Variants in SEMA3A observed in about 807,000 individuals in gnomAD.
The protein encoded by SEMA3A is semaphorin-3A.
Under a neutral mutation model 97.9 loss-of-function variants are expected in SEMA3A, and 29 were observed. The ratio of observed to expected loss-of-function variants is 0.30; its 90% CI spans 0.22 to 0.40. The LOEUF (loss-of-function observed/expected upper bound fraction) is 0.40, where lower values mean the gene tolerates loss of function less well. SEMA3A is among the 10% of genes least tolerant of loss of function. SEMA3A has a pLI of 1.00. For synonymous variants in SEMA3A, 321 were observed against 323.7 expected (o/e 0.99, Z 0.09); for missense variants, 763 against 951.3 (o/e 0.80, Z 2.60).
chr7:84,182,189 G>A (rs973077610), intron 1 of SEMA3A, among the ~76,000 whole-genome samples: 2 of 152,020 alleles, frequency 1.3e-5, no homozygotes, highest in Non-Finnish European at 2.9e-5. Context: ...GGTGGTTCAC[G>A]GAATTAGTCA....
At chr7:84,418,081 A>C (rs1804483167) in intron 1 of SEMA3A, among the ~76,000 whole-genome samples, 1 of 151,990 alleles carries the variant, frequency 6.6e-6, no homozygotes, top group Non-Finnish European at 1.5e-5. Flanking sequence ...TTTGTTTCTG[A>C]GTGTGTCTGT....
chr7:84,044,842 T>C (rs1792286206), intron 6 of SEMA3A, among the ~76,000 whole-genome samples: 1 of 151,844 alleles, frequency 6.6e-6, no homozygotes, highest in South Asian at 2.1e-4. Flanking sequence ...GAGATAAAGA[T>C]AGCAAAGGAA....
chr7:84,178,529 C>T (rs1203847810), intron 1 of SEMA3A, among the ~76,000 whole-genome samples: 1 of 152,038 alleles, frequency 6.6e-6, no homozygotes, highest in Admixed American at 6.6e-5. Context: ...TCCAAGGTCA[C>T]ACAGAAAATT....
intron 1 of SEMA3A, among the ~76,000 whole-genome samples, chr7:84,175,120 G>C (rs937526234): frequency 6.6e-6 from 1 of 152,122 alleles, no homozygotes; most frequent in Admixed American, 6.5e-5. Flanking sequence ...GGGGTTTGGT[G>C]TCCAACGGAC....
At chr7:84,143,945 T>TAACA (rs1460909365) in intron 1 of SEMA3A, among the ~76,000 whole-genome samples, 5 of 110,290 alleles carry the variant, frequency 4.5e-5, no homozygotes, top group South Asian at 2.9e-4. Flanking sequence ...TCTCTCTCTC[T>TAACA]CTCTAACACA....
chr7:84,143,943 T>TAACACACACACA (rs1460104047), intron 1 of SEMA3A, among the ~76,000 whole-genome samples: 1 of 126,832 alleles, frequency 7.9e-6, no homozygotes, highest in African/African-American at 2.8e-5. Flanking sequence ...TCTCTCTCTC[T>TAACACACACACA]CTCTCTAACA....
At chr7:84,424,522 G>A (rs6954145) in intron 1 of SEMA3A, among the ~76,000 whole-genome samples, 34,142 of 68,724 alleles carry the variant, frequency 0.5, 7,909 homozygotes, top group African/African-American at 0.68. Flanking sequence ...ATTAATATAT[G>A]TTATATATAA....
intron 2 of SEMA3A, among the ~76,000 whole-genome samples, chr7:84,344,699 A>T (rs903947705): frequency 2.0e-5 from 3 of 152,180 alleles, no homozygotes; most frequent in African/African-American, 4.8e-5. Context: ...GTGAGAGTAG[A>T]CTACAAAACG....
At chr7:84,128,758 T>C (rs1339044528) in intron 3 of SEMA3A, among the ~76,000 whole-genome samples, 3 of 152,078 alleles carry the variant, frequency 2.0e-5, no homozygotes, top group Non-Finnish European at 4.4e-5. Flanking sequence ...AATCCTGAAA[T>C]CTGCAATCCT....
At position 84,316,753 on chromosome 7, in the gene SEMA3A, A is replaced by AT. The variant is rs112551584; in HGVS notation, c.-168-9462dup. 9.0e-4 allele frequency among the ~76,000 whole-genome samples: 137 copies of AT among 151,696 alleles called. 4 individuals are homozygous for AT. The highest frequency in any genetic ancestry group is 7.1e-3 in the Admixed American group (108 of 15,216). ...TTTTAAAGCTATAATCCAGAAGCAG[A>AT]TTTTTTTTTCCAAAACTGTTAGTGG... On this transcript the variant is annotated intron_variant, in intron 2 of 3. Coordinates refer to the SEMA3A transcript ENST00000424555.
intron 5 of SEMA3A, among the ~76,000 whole-genome samples, chr7:84,055,020 G>A (rs1179694268): frequency 2.6e-5 from 4 of 152,146 alleles, no homozygotes; most frequent in Non-Finnish European, 5.9e-5. Context: ...CTGCTCAGGG[G>A]TCAGGGGTCA....
intron 1 of SEMA3A, among the ~76,000 whole-genome samples, chr7:84,433,559 T>C (rs558480721): frequency 8.8e-4 from 134 of 152,246 alleles, no homozygotes; most frequent in African/African-American, 3.0e-3. Flanking sequence ...GTCTTTATAG[T>C]AGAATGATTT....
intron 2 of SEMA3A, among the ~76,000 whole-genome samples, chr7:84,365,465 T>C (rs1213837493): frequency 1.4e-5 from 2 of 146,872 alleles, no homozygotes; most frequent in South Asian, 2.1e-4. Context: ...AGGTATTGAA[T>C]GCAGGATTCA....
chr7:84,218,102 G>GA (rs1361107000), intron 3 of SEMA3A, among the ~76,000 whole-genome samples: 2 of 151,912 alleles, frequency 1.3e-5, no homozygotes, highest in African/African-American at 2.4e-5. Context: ...TCTTACTTGA[G>GA]AAAAAATCTT....
At chr7:83,965,784 C>T (rs1384906782) in intron 15 of SEMA3A, among the ~76,000 whole-genome samples, 2 of 140,540 alleles carry the variant, frequency 1.4e-5, no homozygotes, top group African/African-American at 5.3e-5. Context: ...GGGTTCATGC[C>T]ATTCTCCTGC....
At chr7:83,993,411 T>C (rs1369695644) in intron 12 of SEMA3A, among the ~76,000 whole-genome samples, 7 of 151,816 alleles carry the variant, frequency 4.6e-5, no homozygotes, top group Non-Finnish European at 1.0e-4. Context: ...TTCCTAGTCT[T>C]GATGGTGTTT....
intron 15 of SEMA3A, among the ~76,000 whole-genome samples, chr7:83,973,329 A>G (rs548712413): frequency 2.0e-5 from 3 of 151,890 alleles, no homozygotes; most frequent in African/African-American, 7.2e-5. Context: ...GTCCTGAGTC[A>G]TTTGGTGTCC....
At chr7:84,398,304 C>T (rs1365145563) in intron 1 of SEMA3A, among the ~76,000 whole-genome samples, 4 of 152,024 alleles carry the variant, frequency 2.6e-5, no homozygotes, top group Non-Finnish European at 5.9e-5. Flanking sequence ...AGCTTTATAC[C>T]ATTTAATTTA....
chr7:84,394,345 CATATGATTTAGAAACTA>C (rs1052357752), intron 1 of SEMA3A, among the ~76,000 whole-genome samples: 44 of 142,070 alleles, frequency 3.1e-4, no homozygotes, highest in Middle Eastern at 7.5e-3. Context: ...CAGTGCACAC[CATATGATTTAGAAACTA>C]AGAACTTGCA....
Sources: gnomAD v4.1 joint callset for allele counts (sites outside exome capture counted in the v4.1 genomes callset) on GRCh38, gnomAD v4.1.1 for gene constraint, MANE v1.5 for transcripts, NCBI Gene and HGNC (gene_info 2026-07-23, HGNC 2026-07-21) for gene names.